Variants in BRSK2 observed in about 807,000 individuals in gnomAD.
BRSK2 encodes serine/threonine-protein kinase BRSK2.
Under a neutral mutation model 83.3 loss-of-function variants are expected in BRSK2, and 19 were observed. The ratio of observed to expected loss-of-function variants is 0.23; its 90% CI spans 0.16 to 0.33. BRSK2 has a LOEUF of 0.33. Among genes scored for constraint, BRSK2 ranks in the 10% least tolerant of loss-of-function variants. The pLI, the probability that BRSK2 is intolerant of heterozygous loss-of-function variation, is 1.00. For synonymous variants in BRSK2, 519 were observed against 435.4 expected (o/e 1.19, Z -2.39); for missense variants, 798 against 1,042.3 (o/e 0.77, Z 3.23).
chr11:1,444,424 C>T (rs1367549931), intron 8 of BRSK2, among the ~76,000 whole-genome samples: 1 of 152,134 alleles, frequency 6.6e-6, no homozygotes, highest in African/African-American at 2.4e-5. Context: ...CGAGCTGTCC[C>T]TGAGTCAGGG....
chr11:1,456,668 T>C lies in BRSK2; in HGVS notation c.1920T>C (p.Pro640=). 6.2e-7 allele frequency: 1 copy of C among 1,607,338 alleles called. No individual in the cohort carries two copies. The highest frequency in any genetic ancestry group is 2.2e-5 in the East Asian group (1 of 44,640). Reference sequence around the variant, plus strand: ...AGCTGCTGAGCACACACGACCCGCCTGCGGCCCAGCACTTGTCAGGTGAGG... The same window carrying C: ...AGCTGCTGAGCACACACGACCCGCCCGCGGCCCAGCACTTGTCAGGTGAGG... ...QAQLLSTHDP[P]AAQHLSDTTN... The change falls in exon 18 of 20, where the codon CCT becomes CCC. Residue 640 remains proline, a synonymous_variant. Coordinates refer to ENST00000528841, the MANE Select transcript of BRSK2 (RefSeq NM_001256627.2).
At chr11:1,405,409 C>T (rs1195022868) in intron 1 of BRSK2, among the ~76,000 whole-genome samples, 1 of 152,060 alleles carries the variant, frequency 6.6e-6, no homozygotes, top group African/African-American at 2.4e-5. Context: ...AGCCTTCCCC[C>T]TGTGGCTCGT....
intron 1 of BRSK2, among the ~76,000 whole-genome samples, chr11:1,395,560 A>G (rs1257831185): frequency 6.6e-6 from 1 of 151,842 alleles, no homozygotes; most frequent in East Asian, 1.9e-4. Context: ...CGGGGGCGGG[A>G]GGGTCGTTGG....
chr11:1,453,142 G>A (rs184076557), intron 15 of BRSK2, among the ~76,000 whole-genome samples: 44 of 152,332 alleles, frequency 2.9e-4, no homozygotes, highest in African/African-American at 9.9e-4. Context: ...CTCAACAGGC[G>A]ACTGATTTAA....
chr11:1,447,742 C>T (rs892974009), intron 12 of BRSK2: 3 of 1,543,534 alleles, frequency 1.9e-6, no homozygotes, highest in South Asian at 1.2e-5. Context: ...TGGGGGCCGA[C>T]CTGTGCCCGC....
At chr11:1,450,486 C>T in intron 13 of BRSK2, 101 bp from the exon 14 acceptor site, 1 of 622,608 alleles carries the variant, frequency 1.6e-6, no homozygotes, top group Non-Finnish European at 2.8e-6. Flanking sequence ...GGCCTTTGTC[C>T]CCAGCTGGCA....
At position 1,460,737 on chromosome 11, in the gene BRSK2, C is replaced by T. The variant is rs1353144115; in HGVS notation, c.*14C>T. ...GAGCAGCCTTAGACACACTAGCCCC[C>T]CCCCCCAGCACAGCACTGACAGCGG... is the stretch of plus-strand genomic sequence containing the variant. On this transcript the variant is annotated 3_prime_UTR_variant, in exon 20 of 20. Coordinates refer to ENST00000528841, the MANE Select transcript of BRSK2 (RefSeq NM_001256627.2). 1.7e-5 allele frequency: 24 copies of T among 1,411,998 alleles called. No individual in the cohort carries two copies. Among genetic ancestry groups the T allele is most frequent in the East Asian group, 2.7e-5 (1 of 37,346 alleles). 87.5% of individuals were successfully genotyped at this position (1,411,998 alleles called of 1,614,324 possible).
Position 1,449,661 on chromosome 11 carries a change from C to G in BRSK2, c.1227-115C>G, listed in dbSNP as rs1590640986. On this transcript the variant is annotated intron_variant, in intron 12 of 19. Coordinates refer to ENST00000528841, the MANE Select transcript of BRSK2 (RefSeq NM_001256627.2). ...TGCAGCAGGACCCAGGGCCTCGAGG[C>G]TCTTGGCCCGGGCTCCAGGCCTCCT... The G allele has an allele frequency of 3.6e-6, 3 of 843,142 alleles. No individual in the cohort carries two copies. The East Asian group carries it at 8.1e-5, about 23-fold the overall frequency. The allele number at this position is 843,142 out of a possible 1,614,324, so 52.2% of individuals were successfully genotyped here.
At chr11:1,397,907 G>A (rs1481661254) in intron 1 of BRSK2, among the ~76,000 whole-genome samples, 9 of 152,200 alleles carry the variant, frequency 5.9e-5, no homozygotes, top group Non-Finnish European at 8.8e-5. Context: ...GGGGTGCCCA[G>A]GGCATTCACG....
Position 1,456,372 on chromosome 11 carries a change from A to G in BRSK2, c.1693A>G (p.Ile565Val), listed in dbSNP as rs761278547. 4 of 1,583,114 alleles carry G rather than the reference A, an allele frequency of 2.5e-6. No individual in the cohort carries two copies. Among genetic ancestry groups the G allele is most frequent in the Admixed American group, 1.8e-5 (1 of 55,134 alleles). The change falls in exon 17 of 20, where the codon ATC (isoleucine) becomes GTC (valine). Residue 565 changes from isoleucine to valine, a missense_variant. Coordinates refer to ENST00000528841, the MANE Select transcript of BRSK2 (RefSeq NM_001256627.2). ...GATTCCCAGTCTCAGCCACAGCGTCATCTCCCAAACGAGCTTCCGGGCCGA... is the reference window on the plus strand; with the variant it reads ...GATTCCCAGTCTCAGCCACAGCGTCGTCTCCCAAACGAGCTTCCGGGCCGA... ...LSIPSLSHSV[I>V]SQTSFRAEYK... is the part of the protein sequence containing the mutation.
intron 1 of BRSK2, among the ~76,000 whole-genome samples, chr11:1,422,881 A>T (rs1848768485): frequency 6.6e-6 from 1 of 152,204 alleles, no homozygotes; most frequent in Non-Finnish European, 1.5e-5. Context: ...CTGCCCACCC[A>T]GCAAGCCCCA....
chr11:1,443,679 G>C (rs746139600), intron 8 of BRSK2, 44 bp downstream of exon 8: 1 of 1,506,480 alleles, frequency 6.6e-7, no homozygotes, highest in Non-Finnish European at 8.8e-7. Flanking sequence ...GTGGCGGGGG[G>C]GCGCGGGGGC....
chr11:1,461,305 G>A lies in BRSK2; in HGVS notation c.*582G>A, dbSNP rs1479206732. ...AACAGGCCCCGTCCACCGCCTCCAC[G>A]CCGCACCTGGAGGCCTCCTCGCAGG... On this transcript the variant is annotated 3_prime_UTR_variant, in exon 20 of 20. Coordinates refer to ENST00000528841, the MANE Select transcript of BRSK2 (RefSeq NM_001256627.2). 1.8e-5 allele frequency: 8 copies of A among 446,482 alleles called. No homozygotes were observed. Among genetic ancestry groups the A allele is most frequent in the African/African-American group, 4.3e-5 (2 of 47,004 alleles). The allele number at this position is 446,482 out of a possible 1,614,324, so 27.7% of individuals were successfully genotyped here.
At position 1,428,948 on chromosome 11, in the gene BRSK2, T is replaced by C. The variant is rs561746300; in HGVS notation, c.92-7092T>C. On this transcript the variant is annotated intron_variant, in intron 1 of 19. Transcript: ENST00000528841. ...GAGGTGTGTACTGGGTGCGTGTGTG[T>C]GCACGGGTGTGTGCCCTTGGCGTGT... Among the ~76,000 whole-genome samples, 6 of 151,084 alleles carry C rather than the reference T, an allele frequency of 4.0e-5. No homozygotes were observed. The East Asian group carries it at 1.2e-3, about 30-fold the overall frequency.
At position 1,451,380 on chromosome 11, in the gene BRSK2, CGGA is replaced by C. The variant is rs775563357; in HGVS notation, c.1510_1512del (p.Glu504del). ...CATCCTGTGTGCACAGTTCCGACGCCGGAGGAGATGTCCAACCTGACACCAGAG... is the reference window on the plus strand; with the variant it reads ...CATCCTGTGTGCACAGTTCCGACGCCGGAGATGTCCAACCTGACACCAGAG... On this transcript the variant is annotated inframe_deletion, in exon 15 of 20. Coordinates refer to ENST00000528841, the MANE Select transcript of BRSK2 (RefSeq NM_001256627.2). The C allele has an allele frequency of 2.7e-5, 43 of 1,612,832 alleles. No individual in the cohort carries two copies. The highest frequency in any genetic ancestry group is 4.4e-5 in the South Asian group (4 of 91,086).
At chr11:1,440,655 C>CT (rs1278307927) in intron 3 of BRSK2, 133 bp from the exon 4 acceptor site, 1 of 1,165,780 alleles carries the variant, frequency 8.6e-7, no homozygotes, top group Non-Finnish European at 1.2e-6. Context: ...CTCTCAGCTG[C>CT]CCCCCCAGCC....
intron 15 of BRSK2, 104 bp downstream of exon 15, chr11:1,451,523 G>C: frequency 2.4e-6 from 3 of 1,236,266 alleles, no homozygotes; most frequent in Non-Finnish European, 3.5e-6. Flanking sequence ...CCTTCTCCAC[G>C]TGGCCCCACC....
chr11:1,459,676 C>G (rs913664445), intron 19 of BRSK2, among the ~76,000 whole-genome samples: 1 of 152,188 alleles, frequency 6.6e-6, no homozygotes, highest in Non-Finnish European at 1.5e-5. Flanking sequence ...ATTGAGGGGC[C>G]TCCATCGACA....
chr11:1,445,221 C>T (rs1454707383), intron 9 of BRSK2, 73 bp from the exon 10 acceptor site: 34 of 1,516,760 alleles, frequency 2.2e-5, no homozygotes, highest in East Asian at 9.1e-5. Flanking sequence ...CAGGTGAGGG[C>T]GGGCGTCCCA....
Sources: allele counts gnomAD v4.1 joint callset (sites outside exome capture counted in the v4.1 genomes callset), GRCh38; gene constraint gnomAD v4.1.1; transcripts MANE v1.5; gene names NCBI Gene and HGNC (gene_info 2026-07-23, HGNC 2026-07-21).